C8orf58: variants seen among roughly 807,000 people sequenced by gnomAD.
C8orf58 encodes chromosome 8 open reading frame 58.
C8orf58 carries 31 observed loss-of-function variants against 36.8 expected under a neutral mutation model. The ratio of observed to expected loss-of-function variants is 0.84; its 90% CI spans 0.63 to 1.14. The LOEUF (loss-of-function observed/expected upper bound fraction) is 1.14. C8orf58 is among the 50% of genes most tolerant of loss of function. C8orf58 has a pLI of 0.00. For synonymous variants in C8orf58, 230 were observed against 200.2 expected (o/e 1.15, Z -1.26); for missense variants, 538 against 480.8 (o/e 1.12, Z -1.11).
At chr8:22,600,701 G>A (rs1800820661) in intron 1 of C8orf58, among the ~76,000 whole-genome samples, 181 bp from the exon 2 acceptor site, 1 of 152,268 alleles carries the variant, frequency 6.6e-6, no homozygotes, top group African/African-American at 2.4e-5. Flanking sequence ...CGTTGCGAAG[G>A]GAATCCCATC....
chr8:22,599,898 C>G, intron 1 of C8orf58, 138 bp downstream of exon 1: 1 of 395,274 alleles, frequency 2.5e-6, no homozygotes, highest in Non-Finnish European at 4.3e-6. Context: ...CTGCGCCTCC[C>G]TCGCCGCCTC....
chr8:22,601,992 G>A lies in C8orf58; in HGVS notation c.678G>A (p.Ser226=), dbSNP rs1305563890. 5.1e-6 allele frequency: 8 copies of A among 1,557,032 alleles called. No homozygotes were observed. The highest frequency in any genetic ancestry group is 2.3e-5 in the East Asian group (1 of 43,966). Residue 226 remains serine (S), a synonymous_variant, in exon 4 of 7, where the codon TCG becomes TCA. Transcript: ENST00000289989. ...RPPGDPGEEE[S]TRAPLPSPLH... is the part of the protein sequence containing the mutation. ...CATAGGATCCCGGCGAGGAGGAGTC[G>A]ACCCGAGCCCCTTTACCGTCCCCGT...
chr8:22,601,326 C>G lies in C8orf58; in HGVS notation c.485C>G (p.Thr162Arg). The change falls in exon 2 of 7, where the codon ACA becomes AGA. Residue 162 changes from threonine (T) to arginine (R), a missense_variant. Transcript: ENST00000289989. ...CAACAGGAGTCCATGGAGGCAGACA[C>G]AGACCTAGAGGCAGGCCTGGAAGAA... is the stretch of plus-strand genomic sequence containing the variant. ...AGQQESMEAD[T>R]DLEAGLEEEA... 6.3e-7 allele frequency: 1 copy of G among 1,595,718 alleles called. No homozygotes were observed. The highest frequency in any genetic ancestry group is 1.3e-5 in the African/African-American group (1 of 74,666).
rs1427719270 is a variant in C8orf58 at position 22,602,453 on chromosome 8, G to C, written c.880-84G>C. ...TGTTTGGAGCAGGCGACTTGTCCTG[G>C]CTGTGGCGACAGCTGTCTCTGGGAG... On this transcript the variant is annotated intron_variant, in intron 5 of 6. Transcript: ENST00000289989. 2.2e-6 allele frequency: 3 copies of C among 1,363,468 alleles called. No individual in the cohort carries two copies. The East Asian group carries it at 7.3e-5, about 33-fold the overall frequency. 84.5% of individuals were successfully genotyped at this position (1,363,468 alleles called of 1,614,324 possible).
Position 22,599,736 on chromosome 8 carries a change from C to T in C8orf58, c.16C>T (p.Arg6Cys), listed in dbSNP as rs1800796094. 8.2e-7 allele frequency: 1 copy of T among 1,218,866 alleles called. No individual in the cohort carries two copies. The highest frequency in any genetic ancestry group is 3.3e-5 in the East Asian group (1 of 30,544). 75.5% of individuals were successfully genotyped at this position (1,218,866 alleles called of 1,614,324 possible). Residue 6 changes from arginine to cysteine, a missense_variant, in exon 1 of 7, where the codon CGC (arginine) becomes TGC (cysteine). By Grantham distance (180) the Arg-to-Cys change is radical. Coordinates refer to ENST00000289989, the MANE Select transcript of C8orf58 (RefSeq NM_001013842.3). ...GGAGCGGGCCATGATGGGCCGGCGGCGCGCCTTCGCCGTGGACGGCCGGGG... is the reference window on the plus strand; with the variant it reads ...GGAGCGGGCCATGATGGGCCGGCGGTGCGCCTTCGCCGTGGACGGCCGGGG... MMGRR[R>C]AFAVDGRDGA...
intron 5 of C8orf58, 100 bp from the exon 6 acceptor site, chr8:22,602,437 C>G: frequency 1.5e-6 from 2 of 1,326,158 alleles, no homozygotes; most frequent in Non-Finnish European, 2.1e-6. Context: ...CTGTTTGGAG[C>G]AGGCGACTTG....
chr8:22,601,223 C>A lies in C8orf58; in HGVS notation c.382C>A (p.Pro128Thr). 6.2e-7 allele frequency: 1 copy of A among 1,610,036 alleles called. No individual in the cohort carries two copies. The highest frequency in any genetic ancestry group is 8.5e-7 in the Non-Finnish European group (1 of 1,178,868). ...GCGGTCCCGCCGGCTCCCAACAGCTCCCACCAGCTTGTCAGGACAACACCG... is the reference window on the plus strand; with the variant it reads ...GCGGTCCCGCCGGCTCCCAACAGCTACCACCAGCTTGTCAGGACAACACCG... ...LERSRRLPTA[P>T]TSLSGQHRSL... Residue 128 changes from proline (P) to threonine (T), a missense_variant, in exon 2 of 7, where the codon CCC (proline) becomes ACC (threonine). By Grantham distance (38) the Pro-to-Thr change is conservative. Coordinates refer to ENST00000289989, the MANE Select transcript of C8orf58 (RefSeq NM_001013842.3).
rs1340948578 is a variant in C8orf58 at position 22,601,285 on chromosome 8, G to A, written c.444G>A (p.Val148=). ...TGGCAAGCAAGCCTGAGCGTGAAGT[G>A]CCCCTTGGAGCAGGGCAACAGGAGT... The part of the protein sequence containing the change: ...LRLASKPERE[V]PLGAGQQESM... Residue 148 remains valine, a synonymous_variant, in exon 2 of 7, where the codon GTG becomes GTA. Transcript: ENST00000289989. The A allele has an allele frequency of 1.2e-6, 2 of 1,608,636 alleles. No individual in the cohort carries two copies. The highest frequency in any genetic ancestry group is 1.7e-6 in the Non-Finnish European group (2 of 1,177,152).
chr8:22,600,794 C>T (rs1800825819), intron 1 of C8orf58, 88 bp from the exon 2 acceptor site: 4 of 1,160,274 alleles, frequency 3.4e-6, no homozygotes, highest in Non-Finnish European at 4.9e-6. Flanking sequence ...CTCCGGGACA[C>T]TTCTCCCTGG....
At position 22,601,373 on chromosome 8, in the gene C8orf58, C is replaced by A; in HGVS notation, c.516+16C>A. On this transcript the variant is annotated intron_variant, in intron 2 of 6. Coordinates refer to ENST00000289989, the MANE Select transcript of C8orf58 (RefSeq NM_001013842.3). ...AGAAGAGGCGGTGAGTGCTCACTCT[C>A]AGGCTGGGTTTAAGAGTGGGATGGA... The A allele has an allele frequency of 6.5e-7, 1 of 1,529,448 alleles. No homozygotes were observed. Among genetic ancestry groups the A allele is most frequent in the South Asian group, 1.2e-5 (1 of 81,152 alleles). The allele number at this position is 1,529,448 out of a possible 1,614,324, so 94.7% of individuals were successfully genotyped here.
At position 22,602,138 on chromosome 8, in the gene C8orf58, C is replaced by T. The variant is rs542280057; in HGVS notation, c.766+58C>T. On this transcript the variant is annotated intron_variant, in intron 4 of 6. Coordinates refer to ENST00000289989, the MANE Select transcript of C8orf58 (RefSeq NM_001013842.3). ...CTGCCTGGGGTCCCACCAGCAGGTC[C>T]TCTGAGCCGAAGCTTGATGGGGTGT... is the stretch of plus-strand genomic sequence containing the variant. 14 of 1,552,280 alleles carry T rather than the reference C, an allele frequency of 9.0e-6. No individual in the cohort carries two copies. In the East Asian group the frequency reaches 2.4e-4, roughly 27 times the overall value.
intron 1 of C8orf58, 116 bp from the exon 2 acceptor site, chr8:22,600,766 G>A (rs1800825132): frequency 3.5e-6 from 3 of 860,340 alleles, no homozygotes; most frequent in Non-Finnish European, 5.3e-6. Flanking sequence ...GCTGTCCAGT[G>A]ACCGCCCTTC....
chr8:22,602,181 C>G lies in C8orf58; in HGVS notation c.767-19C>G. The G allele has an allele frequency of 6.3e-7, 1 of 1,580,046 alleles. No individual in the cohort carries two copies. Among genetic ancestry groups the G allele is most frequent in the Non-Finnish European group, 8.6e-7 (1 of 1,163,220 alleles). ...TGGGGTGTCTTCTGGCCCTGGCCAA[C>G]CTGACTGTCTTTCTGAAGGAGCAAA... On this transcript the variant is annotated intron_variant, in intron 4 of 6. Coordinates refer to ENST00000289989, the MANE Select transcript of C8orf58 (RefSeq NM_001013842.3).
rs1800948711 is a variant in C8orf58, at chr8:22,603,767, G to A, written c.*461G>A. On this transcript the variant is annotated 3_prime_UTR_variant, in exon 7 of 7. Transcript: ENST00000289989. ...TGGGGGAGGTCACTGCAGAAGGATG[G>A]AACTGACCTTTATTCCCCAGTGGGC... is the stretch of plus-strand genomic sequence containing the variant. 1 of 275,780 alleles carries A rather than the reference G, an allele frequency of 3.6e-6. No homozygotes were observed. The highest frequency in any genetic ancestry group is 7.2e-6 in the Non-Finnish European group (1 of 139,078). 17.1% of individuals were successfully genotyped at this position (275,780 alleles called of 1,614,324 possible).
intron 6 of C8orf58, 37 bp from the exon 7 acceptor site, chr8:22,603,157 TC>T: frequency 6.8e-7 from 1 of 1,470,080 alleles, no homozygotes; most frequent in African/African-American, 1.4e-5. Flanking sequence ...TAGTTTTATT[TC>T]CCCCTTCTAG....
Position 22,600,921 on chromosome 8 carries a change from C to T in C8orf58, c.80C>T (p.Pro27Leu). 4 of 1,611,652 alleles carry T rather than the reference C, an allele frequency of 2.5e-6. No homozygotes were observed. Among genetic ancestry groups the T allele is most frequent in the Non-Finnish European group, 3.4e-6 (4 of 1,179,852 alleles). ...GEGLARGCIV[P>L]GVTSTYRRIP... Reference sequence around the variant, plus strand: ...GGCCTGGCACGGGGCTGCATAGTGCCTGGAGTCACCAGCACCTACAGACGG... The same window carrying T: ...GGCCTGGCACGGGGCTGCATAGTGCTTGGAGTCACCAGCACCTACAGACGG... Residue 27 changes from proline (P) to leucine (L), a missense_variant, in exon 2 of 7, where the codon CCT becomes CTT. By Grantham distance (98) the Pro-to-Leu change is moderately conservative. Transcript: ENST00000289989.
At chr8:22,602,734 C>T in intron 6 of C8orf58, 91 bp downstream of exon 6, 1 of 874,142 alleles carries the variant, frequency 1.1e-6, no homozygotes. Flanking sequence ...CATTATTGTC[C>T]CCGCAAAACT....
In C8orf58 at chr8:22,601,759, T is replaced by C; in HGVS notation, c.564T>C (p.Gly188=). ...CCTGGGCCTGCCTCCCCGGGCAGGG[T>C]CTTCGCTATCTGGAACACCTGTGCC... ...PGAWACLPGQ[G]LRYLEHLCLV... Residue 188 remains glycine, a synonymous_variant, in exon 3 of 7, where the codon GGT becomes GGC. Coordinates refer to ENST00000289989, the MANE Select transcript of C8orf58 (RefSeq NM_001013842.3). 1 of 1,611,892 alleles carries C rather than the reference T, an allele frequency of 6.2e-7. No individual in the cohort carries two copies. The highest frequency in any genetic ancestry group is 8.5e-7 in the Non-Finnish European group (1 of 1,179,622).
rs377578474 is a variant in C8orf58 at position 22,602,264 on chromosome 8, A to T, written c.831A>T (p.Glu277Asp). ...GTGCCAACCCTCCCAGGCTGCCAGA[A>T]ACCCCAGTGGAGCCAACGTACCACT... ...VPSANPPRLP[E>D]TPVEPTYHLP... Residue 277 changes from glutamate to aspartate, a missense_variant, in exon 5 of 7, where the codon GAA becomes GAT. Transcript: ENST00000289989. 147 of 1,596,288 alleles carry T rather than the reference A, an allele frequency of 9.2e-5. No individual in the cohort carries two copies. The highest frequency in any genetic ancestry group is 1.2e-4 in the Non-Finnish European group (140 of 1,171,146).
Sources: allele counts gnomAD v4.1 joint callset (sites outside exome capture counted in the v4.1 genomes callset), GRCh38; gene constraint gnomAD v4.1.1; transcripts MANE v1.5; gene names NCBI Gene and HGNC (gene_info 2026-07-23, HGNC 2026-07-21).